The following MAPK10 variants were observed in gnomAD, a reference collection of about 807,000 sequenced individuals.
MAPK10 encodes mitogen-activated protein kinase 10, also known as JNK3 alpha protein kinase.
In MAPK10, 25 loss-of-function variants were observed where a neutral mutation model predicts 59.3. That is an observed-to-expected ratio of 0.42 (90% confidence interval 0.31 to 0.59). MAPK10 has a LOEUF of 0.59. MAPK10 is among the 20% of genes least tolerant of loss of function. The probability of loss-of-function intolerance (pLI) is 0.15; values close to 1 mark genes in which losing one functional copy is unlikely to be tolerated. For missense variants in MAPK10, 351 were observed against 568.9 expected, an observed-to-expected ratio of 0.62 and a Z score of 3.90; for synonymous variants, 190 against 200.5, an observed-to-expected ratio of 0.95 and a Z score of 0.44.
rs886059672 is a variant in MAPK10 at position 86,016,617 on chromosome 4, C to T, written c.*611G>A. The stretch of plus-strand genomic sequence containing the variant: ...CAGTTTAATCAATTAACAAACTAAA[C>T]AGCTTATATACTGGCAATATATTAC... On this transcript the variant is annotated 3_prime_UTR_variant, in exon 14 of 14. Transcript: ENST00000641462. 6.6e-6 allele frequency: 1 copy of T among 152,574 alleles called. No homozygotes were observed. Among genetic ancestry groups the T allele is most frequent in the African/African-American group, 2.4e-5 (1 of 41,396 alleles). The allele number at this position is 152,574 out of a possible 1,614,324, so 9.5% of individuals were successfully genotyped here.
chr4:86,493,022 G>A (rs921328782), intron 1 of MAPK10, among the ~76,000 whole-genome samples: 1 of 152,208 alleles, frequency 6.6e-6, no homozygotes, highest in Admixed American at 6.5e-5. Context: ...CCTGTGACAA[G>A]AGCTGAGTGT....
At chr4:86,170,389 A>C (rs2073730116) in intron 3 of MAPK10, among the ~76,000 whole-genome samples, 1 of 152,182 alleles carries the variant, frequency 6.6e-6, no homozygotes, top group African/African-American at 2.4e-5. Flanking sequence ...ATGGAAAACA[A>C]AAAAAGGCAG....
rs531977282 is a variant in MAPK10 at position 86,286,583 on chromosome 4, G to A, written c.-7+67947C>T. Among the ~76,000 whole-genome samples the A allele has an allele frequency of 2.6e-5, 4 of 152,308 alleles. No individual in the cohort carries two copies. The South Asian group carries it at 8.3e-4, about 32-fold the overall frequency. On this transcript the variant is annotated intron_variant, in intron 2 of 13. Coordinates refer to ENST00000641462, the MANE Select transcript of MAPK10 (RefSeq NM_138982.4). The stretch of plus-strand genomic sequence containing the variant: ...ACAGATGAGGAAACTGAGGCAGAGA[G>A]AAGTGAGGAAACTTGTCCAAGGTTA...
chr4:86,481,394 C>T (rs948829321), intron 1 of MAPK10, among the ~76,000 whole-genome samples: 5 of 150,904 alleles, frequency 3.3e-5, no homozygotes, highest in Admixed American at 1.3e-4. Flanking sequence ...CCCAACATGG[C>T]CACAGATTTT....
intron 2 of MAPK10, among the ~76,000 whole-genome samples, chr4:86,211,121 T>C (rs1304590459): frequency 6.6e-6 from 1 of 151,894 alleles, no homozygotes; most frequent in Non-Finnish European, 1.5e-5. Flanking sequence ...ACTTACACAT[T>C]GTGGAGTTTC....
At chr4:86,360,128 C>G (rs1007459734), upstream of MAPK10, 2 of 985,626 alleles carry the variant, frequency 2.0e-6, no homozygotes, top group African/African-American at 3.5e-5. Flanking sequence ...GCACACATGA[C>G]GTCAAAGCCC....
chr4:86,047,588 T>A (rs149044332), intron 11 of MAPK10, among the ~76,000 whole-genome samples: 1,945 of 152,034 alleles, frequency 0.013, 52 homozygotes, highest in African/African-American at 0.045. Flanking sequence ...CTAAGAAGAG[T>A]AAAATGAGAT....
intron 2 of MAPK10, among the ~76,000 whole-genome samples, chr4:86,226,548 T>C (rs946034935): frequency 6.6e-6 from 1 of 152,210 alleles, no homozygotes; most frequent in South Asian, 2.1e-4. Flanking sequence ...GTAACCAGCA[T>C]TAAACCTTGA....
At chr4:86,066,637 C>A (rs1366796367) in intron 10 of MAPK10, among the ~76,000 whole-genome samples, 1 of 151,042 alleles carries the variant, frequency 6.6e-6, no homozygotes, top group East Asian at 2.0e-4. Context: ...TGGTGGCGGG[C>A]GCCTGTAGTC....
intron 4 of MAPK10, among the ~76,000 whole-genome samples, chr4:86,115,539 G>A (rs756068208): frequency 2.2e-4 from 33 of 151,966 alleles, no homozygotes; most frequent in Non-Finnish European, 4.4e-4. Context: ...TTGGCTCACC[G>A]CAACCTCCGA....
At chr4:86,347,701 G>C (rs1345698995) in intron 2 of MAPK10, among the ~76,000 whole-genome samples, 2 of 152,112 alleles carry the variant, frequency 1.3e-5, no homozygotes, top group South Asian at 4.1e-4. Context: ...CTGGGTCATA[G>C]ACAGTGCATT....
intron 2 of MAPK10, among the ~76,000 whole-genome samples, chr4:86,304,604 A>G (rs1217985845): frequency 2.6e-5 from 4 of 151,054 alleles, no homozygotes; most frequent in Non-Finnish European, 5.9e-5. Context: ...GTGTTAGCCA[A>G]GATGGTCTCG....
At chr4:86,051,103 A>G (rs2043431262) in intron 11 of MAPK10, among the ~76,000 whole-genome samples, 2 of 152,260 alleles carry the variant, frequency 1.3e-5, no homozygotes, top group South Asian at 4.1e-4. Context: ...CTTTCACAAT[A>G]TATTGTGGGT....
intron 9 of MAPK10, among the ~76,000 whole-genome samples, chr4:86,077,612 T>C (rs958392765): frequency 1.3e-5 from 2 of 152,224 alleles, no homozygotes; most frequent in Non-Finnish European, 2.9e-5. Context: ...TTTGTTACTA[T>C]GAATGTGATT....
At chr4:86,066,562 C>G (rs2046770637) in intron 10 of MAPK10, among the ~76,000 whole-genome samples, 1 of 151,538 alleles carries the variant, frequency 6.6e-6, no homozygotes, top group Non-Finnish European at 1.5e-5. Flanking sequence ...GTCAGGAGGT[C>G]GAGACGATCC....
chr4:86,109,176 T>A (rs142565554), intron 4 of MAPK10, among the ~76,000 whole-genome samples: 22 of 152,342 alleles, frequency 1.4e-4, no homozygotes, highest in African/African-American at 5.0e-4. Flanking sequence ...AAGTCTGTCC[T>A]GGAACTCTTT....
chr4:86,520,903 G>A (rs1260430940), intron 1 of MAPK10, among the ~76,000 whole-genome samples: 2 of 152,176 alleles, frequency 1.3e-5, no homozygotes, highest in Non-Finnish European at 2.9e-5. Context: ...GTCACCCAAT[G>A]GGGCTACTGG....
In MAPK10 at chr4:86,270,605, T is replaced by C. The variant is rs576233845; in HGVS notation, c.-6-76198A>G. ...TGATTTCTGATATCTACATACACCC[T>C]GTAACCACAACCCCAATAAAAATGT... On this transcript the variant is annotated intron_variant, in intron 2 of 13. Coordinates refer to ENST00000641462, the MANE Select transcript of MAPK10 (RefSeq NM_138982.4). Among the ~76,000 whole-genome samples the C allele has an allele frequency of 6.7e-4, 102 of 152,170 alleles. 1 individual carries two copies. Among genetic ancestry groups the C allele is most frequent in the African/African-American group, 2.0e-3 (85 of 41,554 alleles).
At chr4:86,088,653 T>C (rs1412847044) in intron 9 of MAPK10, among the ~76,000 whole-genome samples, 2 of 152,318 alleles carry the variant, frequency 1.3e-5, no homozygotes, top group East Asian at 3.9e-4. Context: ...ATTAGAGCTA[T>C]TATTCCCATA....
Sources: gnomAD v4.1 joint callset for allele counts (sites outside exome capture counted in the v4.1 genomes callset) on GRCh38, gnomAD v4.1.1 for gene constraint, MANE v1.5 for transcripts, NCBI Gene and HGNC (gene_info 2026-07-23, HGNC 2026-07-21) for gene names.